The following LRP2 variants were observed in gnomAD, a reference collection of about 807,000 sequenced individuals.
LRP2 encodes the protein low-density lipoprotein receptor-related protein 2.
Under a neutral mutation model 531.0 loss-of-function variants are expected in LRP2, and 172 were observed. That is an observed-to-expected ratio of 0.32 (90% CI 0.29 to 0.37). LRP2 has a LOEUF of 0.37. LRP2 is among the 10% of genes least tolerant of loss of function. The pLI is 1.00. For synonymous variants in LRP2, 1,992 were observed against 2,027.6 expected, an observed-to-expected ratio of 0.98 and a Z score of 0.47; for missense variants, 5,167 against 5,868.3, an observed-to-expected ratio of 0.88 and a Z score of 3.90.
At chr2:169,164,629 C>T (rs1413964936) in intron 62 of LRP2, among the ~76,000 whole-genome samples, 4 of 152,096 alleles carry the variant, frequency 2.6e-5, no homozygotes, top group Non-Finnish European at 5.9e-5. Context: ...TGAATGTGTC[C>T]CTGATGGCAT....
At chr2:169,283,470 G>A (rs1316341571) in intron 9 of LRP2, among the ~76,000 whole-genome samples, 1 of 152,156 alleles carries the variant, frequency 6.6e-6, no homozygotes, top group African/African-American at 2.4e-5. Context: ...AGCCACATAT[G>A]ACTAGTGGTT....
chr2:169,144,853 G>T (rs1685851489), intron 70 of LRP2, among the ~76,000 whole-genome samples: 1 of 152,144 alleles, frequency 6.6e-6, no homozygotes, highest in Non-Finnish European at 1.5e-5. Flanking sequence ...CTTGTCAAAG[G>T]CCACATATCC....
intron 1 of LRP2, among the ~76,000 whole-genome samples, chr2:169,326,497 C>T (rs988293371): frequency 4.6e-5 from 7 of 151,552 alleles, no homozygotes; most frequent in African/African-American, 1.7e-4. Context: ...GGATTGCAGA[C>T]GGAGTCTGGT....
intron 34 of LRP2, among the ~76,000 whole-genome samples, chr2:169,218,213 C>G (rs1260315967): frequency 6.6e-6 from 1 of 152,160 alleles, no homozygotes; most frequent in Non-Finnish European, 1.5e-5. Context: ...CTAAGCTCTT[C>G]TAATTGTCTC....
chr2:169,280,260 AG>A, intron 11 of LRP2, 89 bp downstream of exon 11: 1 of 1,446,858 alleles, frequency 6.9e-7, no homozygotes, highest in Non-Finnish European at 9.6e-7. Context: ...TAGAAAACAA[AG>A]GAACTTTCCC....
intron 1 of LRP2, among the ~76,000 whole-genome samples, chr2:169,335,045 T>C (rs1365296841): frequency 6.6e-6 from 1 of 152,170 alleles, no homozygotes; most frequent in Admixed American, 6.5e-5. Context: ...ATGGTGGTGG[T>C]TGCCTCCACT....
chr2:169,186,416 A>G (rs1021870340), intron 49 of LRP2, among the ~76,000 whole-genome samples: 1 of 152,318 alleles, frequency 6.6e-6, no homozygotes, highest in East Asian at 1.9e-4. Context: ...ACAAAGAGAT[A>G]CACACATTTG....
rs1188450012 is a variant in LRP2 at position 169,175,310 on chromosome 2, G to T, written c.10651C>A (p.Arg3551Ser). Residue 3551 changes from arginine to serine, a missense_variant, in exon 55 of 79, where the codon CGC (arginine) becomes AGC (serine). Coordinates refer to ENST00000649046, the MANE Select transcript of LRP2 (RefSeq NM_004525.3). ...TGGAACTGTCCCAGTCGGCAGAAGC[G>T]CTGCGGGCAAAGGGCCAGTTCATCA... ...GSDELALCPQ[R>S]FCRLGQFQCS... is the part of the protein sequence containing the mutation. 6 of 1,614,206 alleles carry T rather than the reference G, an allele frequency of 3.7e-6. No homozygotes were observed. In the Admixed American group the frequency reaches 5.0e-5, roughly 13 times the overall value.
chr2:169,241,902 A>G (rs1689821005), intron 24 of LRP2, among the ~76,000 whole-genome samples: 3 of 152,182 alleles, frequency 2.0e-5, no homozygotes, highest in African/African-American at 7.2e-5. Flanking sequence ...TCATCAAGCA[A>G]TCCTGGAGAG....
intron 1 of LRP2, among the ~76,000 whole-genome samples, chr2:169,326,210 C>CCTCTCCA (rs1685053489): frequency 1.7e-5 from 2 of 119,742 alleles, no homozygotes; most frequent in Non-Finnish European, 1.7e-5. Flanking sequence ...TCCCCTCTCC[C>CCTCTCCA]CTCTCCCTCT....
At chr2:169,346,656 T>C (rs1685703808) in intron 1 of LRP2, among the ~76,000 whole-genome samples, 1 of 152,118 alleles carries the variant, frequency 6.6e-6, no homozygotes, top group African/African-American at 2.4e-5. Flanking sequence ...CTGGGCAACA[T>C]AGTGAGACCC....
chr2:169,127,773 T>C lies in LRP2; in HGVS notation c.*890A>G, dbSNP rs1383129260. The C allele has an allele frequency of 6.6e-6, 1 of 151,902 alleles. No individual in the cohort carries two copies. Among genetic ancestry groups the C allele is most frequent in the Non-Finnish European group, 1.5e-5 (1 of 67,908 alleles). The allele number at this position is 151,902 out of a possible 1,614,324, so 9.4% of individuals were successfully genotyped here. ...TGGTATTTTTTTTTTTTGCACCTTA[T>C]TTTATGAAGACACAGATTTGGTTTC... On this transcript the variant is annotated 3_prime_UTR_variant, in exon 79 of 79. Coordinates refer to ENST00000649046, the MANE Select transcript of LRP2 (RefSeq NM_004525.3).
chr2:169,362,297 G>A (rs1430727106), intron 1 of LRP2, 24 bp downstream of exon 1: 2 of 1,541,726 alleles, frequency 1.3e-6, no homozygotes, highest in Admixed American at 1.9e-5. Context: ...GGGGCTCCAC[G>A]AGAGGCTCTG....
At position 169,150,750 on chromosome 2, in the gene LRP2, T is replaced by C. The variant is rs916761035; in HGVS notation, c.12590+148A>G. The C allele has an allele frequency of 7.2e-6, 6 of 835,672 alleles. No individual in the cohort carries two copies. The Admixed American group carries it at 8.9e-5, about 12-fold the overall frequency. The allele number at this position is 835,672 out of a possible 1,614,324, so 51.8% of individuals were successfully genotyped here. A position where few individuals can be genotyped will look rare whatever the true frequency, so the allele number is the denominator to read the frequency against. On this transcript the variant is annotated intron_variant, in intron 68 of 78. Transcript: ENST00000649046. The stretch of plus-strand genomic sequence containing the variant: ...TCTATATGATCTCAAGGGCATGTTA[T>C]AATTCTTGAAACAGTCATAGACGCT...
At chr2:169,299,155 GAAAAAA>G (rs1348985286) in intron 4 of LRP2, among the ~76,000 whole-genome samples, 2,075 of 23,394 alleles carry the variant, frequency 0.089, 220 homozygotes, top group Middle Eastern at 0.19. Context: ...AAGAAAGAAA[GAAAAAA>G]AGAAAGAAAG....
At position 169,201,817 on chromosome 2, in the gene LRP2, G is replaced by C; in HGVS notation, c.8263C>G (p.Gln2755Glu). The C allele has an allele frequency of 6.2e-7, 1 of 1,614,100 alleles. No individual in the cohort carries two copies. The highest frequency in any genetic ancestry group is 2.2e-5 in the East Asian group (1 of 44,880). ...TAGTAATCACAGCGGTAAGAGTATT[G>C]GACACATCGCCCATTGGCACAGGTG... ...AFTCANGRCV[Q>E]YSYRCDYYND... Residue 2755 changes from glutamine to glutamate, a missense_variant, in exon 44 of 79, where the codon CAA becomes GAA. By Grantham distance (29) the Gln-to-Glu change is conservative (BLOSUM62 2). This residue lies in a region of LRP2 where 1,129 missense variants were observed against 1,362.7 expected (regional missense o/e 0.83). Coordinates refer to ENST00000649046, the MANE Select transcript of LRP2 (RefSeq NM_004525.3).
At chr2:169,331,579 G>A (rs1361515415) in intron 1 of LRP2, among the ~76,000 whole-genome samples, 1 of 152,144 alleles carries the variant, frequency 6.6e-6, no homozygotes, top group Non-Finnish European at 1.5e-5. Context: ...ATCCCCACTA[G>A]AGACTAACTG....
intron 19 of LRP2, among the ~76,000 whole-genome samples, chr2:169,255,027 A>G (rs1436329042): frequency 6.6e-6 from 1 of 152,126 alleles, no homozygotes; most frequent in African/African-American, 2.4e-5. Context: ...ATACTTACTA[A>G]CTATTCATTC....
intron 1 of LRP2, among the ~76,000 whole-genome samples, chr2:169,354,980 A>G (rs1442705528): frequency 6.6e-6 from 1 of 152,232 alleles, no homozygotes; most frequent in Non-Finnish European, 1.5e-5. Flanking sequence ...TAAACATTGG[A>G]GTGAAGTAAA....
Sources: allele counts gnomAD v4.1 joint callset (sites outside exome capture counted in the v4.1 genomes callset), GRCh38; gene constraint gnomAD v4.1.1; regional missense constraint gnomAD v4.1.1; transcripts MANE v1.5; gene names NCBI Gene and HGNC (gene_info 2026-07-23, HGNC 2026-07-21).